Variants in LIMCH1 observed in about 807,000 individuals in gnomAD.
LIMCH1 encodes the protein LIM and calponin homology domains-containing protein 1.
A neutral mutation model predicts 176.5 loss-of-function variants in LIMCH1; 113 were observed. That is an observed-to-expected ratio of 0.64 (90% CI 0.55 to 0.75). LIMCH1 has a LOEUF of 0.75. LIMCH1 is among the 30% of genes least tolerant of loss of function. The pLI is 0.00. For missense variants in LIMCH1, 1,674 were observed against 1,814.9 expected (o/e 0.92, Z 1.41); for synonymous variants, 619 against 645.9 (o/e 0.96, Z 0.63).
intron 1 of LIMCH1, among the ~76,000 whole-genome samples, chr4:41,454,492 C>T (rs530256999): frequency 6.7e-6 from 1 of 150,134 alleles, no homozygotes; most frequent in Admixed American, 6.6e-5. Flanking sequence ...AGAGAATGTG[C>T]ATCTGGGAGC....
Position 41,654,694 on chromosome 4 carries a change from G to C in LIMCH1, c.3036+4086G>C, listed in dbSNP as rs550974747. 3.3e-5 allele frequency among the ~76,000 whole-genome samples: 5 copies of C among 152,196 alleles called. No homozygotes were observed. In the South Asian group the frequency reaches 1.0e-3, roughly 32 times the overall value. ...TGGGATTTGTGTTGAAGTGGAGGAG[G>C]GGCTATTCTACACACCAGAAAGGGC... On this transcript the variant is annotated intron_variant, in intron 18 of 31. Transcript: ENST00000503057.
chr4:41,374,780 T>A (rs1462664803), intron 1 of LIMCH1, among the ~76,000 whole-genome samples: 1 of 152,148 alleles, frequency 6.6e-6, no homozygotes, highest in Non-Finnish European at 1.5e-5. Context: ...GGCTTTATGC[T>A]CTGGCTTTAC....
rs371078266 is a variant in LIMCH1, at chr4:41,487,702, A to G, written c.97-6834A>G. Among the ~76,000 whole-genome samples the G allele has an allele frequency of 6.5e-3, 793 of 122,656 alleles. 4 individuals carry two copies. Among genetic ancestry groups the G allele is most frequent in the African/African-American group, 0.016 (498 of 30,882 alleles). 80.5% of individuals were successfully genotyped at this position (122,656 alleles called of 152,430 possible). A position where few individuals can be genotyped will look rare whatever the true frequency, so the allele number is the denominator to read the frequency against. On this transcript the variant is annotated intron_variant, in intron 1 of 26. Coordinates refer to the LIMCH1 transcript ENST00000313860. ...GAGACGGAGTCTCGCTCTGTCGCCCAGGCTGGAGTGCAGTGGTGTGATCTC... is the reference window on the plus strand; with the variant it reads ...GAGACGGAGTCTCGCTCTGTCGCCCGGGCTGGAGTGCAGTGGTGTGATCTC...
intron 17 of LIMCH1, among the ~76,000 whole-genome samples, chr4:41,649,899 C>T (rs945024333): frequency 6.6e-6 from 1 of 152,208 alleles, no homozygotes; most frequent in Non-Finnish European, 1.5e-5. Context: ...ATCCCTTGCC[C>T]TCTGCCTTAG....
chr4:41,373,900 G>A (rs2010487), intron 1 of LIMCH1, among the ~76,000 whole-genome samples: 68,653 of 151,796 alleles, frequency 0.45, 17,591 homozygotes, highest in African/African-American at 0.71. Flanking sequence ...AGCTCTCACG[G>A]GATCTGGTTG....
chr4:41,453,236 T>TAC (rs2064117518), intron 1 of LIMCH1, among the ~76,000 whole-genome samples: 1 of 152,148 alleles, frequency 6.6e-6, no homozygotes, highest in Non-Finnish European at 1.5e-5. Context: ...TATATATAGA[T>TAC]ACACACACAC....
intron 1 of LIMCH1, chr4:41,494,481 A>G (rs995629993): frequency 2.2e-5 from 27 of 1,224,590 alleles, no homozygotes; most frequent in Middle Eastern, 1.9e-4. Flanking sequence ...ATATGATTGG[A>G]CTTCTTGATT....
intron 1 of LIMCH1, among the ~76,000 whole-genome samples, chr4:41,399,667 T>A (rs1220332155): frequency 6.8e-6 from 1 of 146,474 alleles, no homozygotes; most frequent in Non-Finnish European, 1.5e-5. Context: ...CTTGTAACAA[T>A]CCTATGAGGT....
chr4:41,448,805 T>C (rs537963271), intron 1 of LIMCH1, among the ~76,000 whole-genome samples: 2 of 152,278 alleles, frequency 1.3e-5, no homozygotes, highest in African/African-American at 4.8e-5. Flanking sequence ...TTGGCATCTG[T>C]AGGCTGATAC....
chr4:41,419,608 T>TTCCTTCCTTCCTTCCTTCCTTCCTTCCG (rs2060320663), intron 1 of LIMCH1, among the ~76,000 whole-genome samples: 2 of 53,526 alleles, frequency 3.7e-5, no homozygotes, highest in African/African-American at 3.8e-4. Context: ...CCTTCCGTCC[T>TTCCTTCCTTCCTTCCTTCCTTCCTTCCG]TCCTTCCTTC....
intron 1 of LIMCH1, among the ~76,000 whole-genome samples, chr4:41,581,772 C>T (rs370917180): frequency 5.9e-5 from 8 of 135,740 alleles, no homozygotes; most frequent in African/African-American, 1.3e-4. Flanking sequence ...CGCCACTGCA[C>T]TCCAGCCTGG....
rs1586187221 is a variant in LIMCH1 at position 41,697,752 on chromosome 4, A to G, written c.*567A>G. 6.6e-6 allele frequency: 1 copy of G among 152,464 alleles called. No individual in the cohort carries two copies. Among genetic ancestry groups the G allele is most frequent in the East Asian group, 1.9e-4 (1 of 5,176 alleles). The allele number at this position is 152,464 out of a possible 1,614,324, so 9.4% of individuals were successfully genotyped here. On this transcript the variant is annotated 3_prime_UTR_variant, in exon 32 of 32. Coordinates refer to ENST00000503057, the MANE Select transcript of LIMCH1 (RefSeq NM_001330672.2). ...ATAATATATACTGTAATCCTGAAAC[A>G]TTTGTGTTACTTACCTTTGGAGGTA...
intron 1 of LIMCH1, among the ~76,000 whole-genome samples, chr4:41,592,770 C>T (rs7676390): frequency 0.086 from 13,167 of 152,224 alleles, 1,863 homozygotes; most frequent in African/African-American, 0.3. Flanking sequence ...CCCAAGGACA[C>T]GTAGCTAAGA....
intron 1 of LIMCH1, among the ~76,000 whole-genome samples, chr4:41,435,918 T>C (rs907085727): frequency 5.9e-5 from 9 of 152,148 alleles, no homozygotes; most frequent in Non-Finnish European, 1.2e-4. Flanking sequence ...ATAATAGAAA[T>C]AATAAAACAG....
chr4:41,660,875 T>A (rs28698662), intron 18 of LIMCH1, among the ~76,000 whole-genome samples: 140 of 151,820 alleles, frequency 9.2e-4, no homozygotes, highest in African/African-American at 3.3e-3. Flanking sequence ...TAAGAACCAG[T>A]GAGAAAAGAG....
chr4:41,569,575 C>T (rs2083250508), intron 1 of LIMCH1, among the ~76,000 whole-genome samples: 1 of 152,116 alleles, frequency 6.6e-6, no homozygotes, highest in Non-Finnish European at 1.5e-5. Context: ...AGATGAGGCA[C>T]AGCTGAAATC....
In LIMCH1 at chr4:41,662,807, T is replaced by C. The variant is rs2152983803; in HGVS notation, c.3128-14T>C. On this transcript the variant is annotated splice_polypyrimidine_tract_variant and intron_variant, in intron 19 of 31. Coordinates refer to ENST00000503057, the MANE Select transcript of LIMCH1 (RefSeq NM_001330672.2). ...TTTTCCTTCTGTACGTTTCTGGATG[T>C]AACTCCATTGCAGAACCACAGCATT... 1 of 1,613,884 alleles carries C rather than the reference T, an allele frequency of 6.2e-7. No homozygotes were observed. The highest frequency in any genetic ancestry group is 1.1e-5 in the South Asian group (1 of 91,062).
At chr4:41,401,969 C>T (rs1283634286) in intron 1 of LIMCH1, among the ~76,000 whole-genome samples, 2 of 152,112 alleles carry the variant, frequency 1.3e-5, no homozygotes, top group African/African-American at 4.8e-5. Flanking sequence ...ACAATCGTGT[C>T]GTCTGCAAAC....
chr4:41,477,062 A>G (rs755386742), intron 1 of LIMCH1, among the ~76,000 whole-genome samples: 13 of 152,182 alleles, frequency 8.5e-5, no homozygotes, highest in Non-Finnish European at 1.8e-4. Context: ...TCAGCAACAT[A>G]TTTAGACAAC....
Sources: gnomAD v4.1 joint callset for allele counts (sites outside exome capture counted in the v4.1 genomes callset) on GRCh38, gnomAD v4.1.1 for gene constraint, MANE v1.5 for transcripts, NCBI Gene and HGNC (gene_info 2026-07-23, HGNC 2026-07-21) for gene names.